CACNA1C: variants seen among roughly 807,000 people sequenced by gnomAD.
The protein encoded by CACNA1C is voltage-dependent L-type calcium channel subunit alpha-1C.
A neutral mutation model predicts 229.0 loss-of-function variants in CACNA1C; 30 were observed. The ratio of observed to expected loss-of-function variants is 0.13; its 90% CI spans 0.10 to 0.18. The LOEUF (loss-of-function observed/expected upper bound fraction) is 0.18. Among genes scored for constraint, CACNA1C ranks in the 10% least tolerant of loss-of-function variants. The pLI is 1.00. For synonymous variants in CACNA1C, 1,114 were observed against 1,132.5 expected, an observed-to-expected ratio of 0.98 and a Z score of 0.33; for missense variants, 1,658 against 2,845.0, an observed-to-expected ratio of 0.58 and a Z score of 9.49.
chr12:2,096,388 A>G (rs2073985324), intron 1 of CACNA1C, among the ~76,000 whole-genome samples: 1 of 152,142 alleles, frequency 6.6e-6, no homozygotes, highest in African/African-American at 2.4e-5. Context: ...GTCCTGCCAC[A>G]TATCTCTCCT....
rs533150978 is a variant in CACNA1C at position 2,135,604 on chromosome 12, C to A, written c.477+15174C>A. 5.1e-5 allele frequency among the ~76,000 whole-genome samples: 7 copies of A among 137,606 alleles called. No homozygotes were observed. In the South Asian group the frequency reaches 1.1e-3, roughly 22 times the overall value. 90.3% of individuals were successfully genotyped at this position (137,606 alleles called of 152,430 possible). On this transcript the variant is annotated intron_variant, in intron 3 of 46. Coordinates refer to ENST00000399655, the MANE Select transcript of CACNA1C (RefSeq NM_000719.7). Reference sequence around the variant, plus strand: ...GTCTGCCCCTGCTGGGGGGTGCCTCCCAGTTAGGCTGCTCAGGGGTCAGGG... The same window carrying A: ...GTCTGCCCCTGCTGGGGGGTGCCTCACAGTTAGGCTGCTCAGGGGTCAGGG...
intron 1 of CACNA1C, among the ~76,000 whole-genome samples, chr12:1,974,649 G>A (rs181853279): frequency 6.6e-6 from 1 of 152,128 alleles, no homozygotes; most frequent in East Asian, 1.9e-4. Flanking sequence ...ATAGTACTTT[G>A]GTCTACCAGA....
At chr12:2,150,999 T>C (rs987323954) in intron 3 of CACNA1C, among the ~76,000 whole-genome samples, 2 of 152,204 alleles carry the variant, frequency 1.3e-5, no homozygotes, top group Non-Finnish European at 2.9e-5. Context: ...GTTGGCTGGT[T>C]CCTCTGGCTG....
At chr12:2,435,227 G>A (rs73042133) in intron 3 of CACNA1C, among the ~76,000 whole-genome samples, 6,134 of 152,270 alleles carry the variant, frequency 0.04, 222 homozygotes, top group South Asian at 0.13. Flanking sequence ...TTCAGGCCTC[G>A]CTGCCACCAC....
intron 3 of CACNA1C, among the ~76,000 whole-genome samples, chr12:2,332,299 TGA>T: frequency 6.6e-6 from 1 of 152,326 alleles, no homozygotes. Flanking sequence ...AGCATCTATG[TGA>T]GTGTCTTTCT....
chr12:2,236,142 C>T (rs1046404265), intron 3 of CACNA1C, among the ~76,000 whole-genome samples: 5 of 152,154 alleles, frequency 3.3e-5, no homozygotes, highest in African/African-American at 9.6e-5. Context: ...TTTTCAGAGC[C>T]GGAGACCTCA....
intron 3 of CACNA1C, among the ~76,000 whole-genome samples, chr12:2,322,809 C>T (rs1051902309): frequency 5.9e-5 from 9 of 152,216 alleles, no homozygotes; most frequent in African/African-American, 1.7e-4. Context: ...ATCTGTCTCA[C>T]GAGGTTACCT....
intron 1 of CACNA1C, among the ~76,000 whole-genome samples, chr12:2,004,048 G>GT: frequency 6.6e-6 from 1 of 152,054 alleles, no homozygotes; most frequent in East Asian, 1.9e-4. Flanking sequence ...CCCAGCGTTG[G>GT]GTACGTTAGA....
At chr12:2,180,266 C>T (rs1380119996) in intron 3 of CACNA1C, among the ~76,000 whole-genome samples, 1 of 151,862 alleles carries the variant, frequency 6.6e-6, no homozygotes, top group Admixed American at 6.6e-5. Context: ...TTCTTTCTTC[C>T]CTGGTGTCTG....
intron 5 of CACNA1C, among the ~76,000 whole-genome samples, chr12:2,485,803 G>C (rs1255786450): frequency 6.6e-6 from 1 of 152,202 alleles, no homozygotes; most frequent in Non-Finnish European, 1.5e-5. Context: ...TTGTCTGTAA[G>C]ATGGGGTATT....
At chr12:2,510,554 G>C (rs1425355536) in intron 8 of CACNA1C, among the ~76,000 whole-genome samples, 1 of 152,186 alleles carries the variant, frequency 6.6e-6, no homozygotes, top group African/African-American at 2.4e-5. Flanking sequence ...GGTATAGATG[G>C]TGAGCTTCAT....
At chr12:2,491,170 G>A (rs1316777852) in intron 6 of CACNA1C, among the ~76,000 whole-genome samples, 1 of 152,154 alleles carries the variant, frequency 6.6e-6, no homozygotes, top group African/African-American at 2.4e-5. Flanking sequence ...GAAATTTCTA[G>A]AGGAGGCAAA....
rs146041676 is a variant in CACNA1C at position 2,146,352 on chromosome 12, G to A, written c.477+25922G>A. On this transcript the variant is annotated intron_variant, in intron 3 of 46. Coordinates refer to ENST00000399655, the MANE Select transcript of CACNA1C (RefSeq NM_000719.7). Reference sequence around the variant, plus strand: ...TTCACTTGTGAAGTGGCACTTGAGTGAGGCCGTCATCAGCATAGGAATCAG... The same window carrying A: ...TTCACTTGTGAAGTGGCACTTGAGTAAGGCCGTCATCAGCATAGGAATCAG... Among the ~76,000 whole-genome samples the A allele has an allele frequency of 2.1e-4, 32 of 151,480 alleles. 1 individual carries two copies. The East Asian group carries it at 6.0e-3, about 28-fold the overall frequency.
At chr12:2,393,305 T>C (rs1485916762) in intron 3 of CACNA1C, among the ~76,000 whole-genome samples, 1 of 151,852 alleles carries the variant, frequency 6.6e-6, no homozygotes, top group Non-Finnish European at 1.5e-5. Context: ...AAGGGGTGAG[T>C]GGCATGTGAA....
chr12:2,198,022 G>A (rs551712324), intron 3 of CACNA1C, among the ~76,000 whole-genome samples: 11 of 152,202 alleles, frequency 7.2e-5, no homozygotes, highest in African/African-American at 1.4e-4. Flanking sequence ...TTTTACTACC[G>A]GAAGGCCCCC....
In CACNA1C at chr12:2,585,506, T is replaced by C. The variant is rs1601147859; in HGVS notation, c.2460+10T>C. The C allele has an allele frequency of 6.5e-7, 1 of 1,549,592 alleles. No homozygotes were observed. ...TCCACCCGCCACCAAGGTGAGGAGC[T>C]GTCTCCTTCCTGGAGCTGTGAGGCC... On this transcript the variant is annotated intron_variant, in intron 17 of 46. Transcript: ENST00000399655. This position sits in a 1 kb window ranked among gnomAD's most constrained non-coding sequence, Gnocchi z 4.1.
intron 1 of CACNA1C, among the ~76,000 whole-genome samples, chr12:2,035,580 C>T (rs1255277081): frequency 6.6e-6 from 1 of 152,232 alleles, no homozygotes; most frequent in Non-Finnish European, 1.5e-5. Context: ...CTGTGGGCCT[C>T]CCACGCTGTG....
chr12:2,124,905 G>A (rs1224161288), intron 3 of CACNA1C, among the ~76,000 whole-genome samples: 1 of 152,102 alleles, frequency 6.6e-6, no homozygotes, highest in South Asian at 2.1e-4. Context: ...ACCGGCGGTC[G>A]ACAGGAGCCT....
intron 3 of CACNA1C, among the ~76,000 whole-genome samples, chr12:2,185,289 G>A (rs1203673606): frequency 1.3e-5 from 2 of 152,206 alleles, no homozygotes; most frequent in Non-Finnish European, 2.9e-5. Flanking sequence ...CCAGCCTGGA[G>A]CACTTCCTGC....
Sources: gnomAD v4.1 joint callset for allele counts (sites outside exome capture counted in the v4.1 genomes callset) on GRCh38, gnomAD v4.1.1 for gene constraint, Gnocchi (gnomAD v3.1) non-coding constraint, MANE v1.5 for transcripts, NCBI Gene and HGNC (gene_info 2026-07-23, HGNC 2026-07-21) for gene names.